Variants in MIPOL1 observed in about 807,000 individuals in gnomAD.
The protein encoded by MIPOL1 is mirror-image polydactyly gene 1 protein.
A neutral mutation model predicts 60.9 loss-of-function variants in MIPOL1; 57 were observed. That is an observed-to-expected ratio of 0.94 (90% CI 0.76 to 1.17). The LOEUF (loss-of-function observed/expected upper bound fraction) is 1.17, where lower values mean the gene tolerates loss of function less well. Ranked by LOEUF, MIPOL1 falls within the 50% of genes most tolerant of loss-of-function variation. MIPOL1 has a pLI of 0.00. For synonymous variants in MIPOL1, 179 were observed against 168.8 expected (o/e 1.06, Z -0.47); for missense variants, 551 against 511.6 (o/e 1.08, Z -0.74).
chr14:37,300,145 C>T (rs2086243111), intron 7 of MIPOL1, among the ~76,000 whole-genome samples: 2 of 151,336 alleles, frequency 1.3e-5, no homozygotes, highest in South Asian at 2.1e-4. Flanking sequence ...AGTTTCTCCA[C>T]TGTAAAGTTA....
At chr14:37,472,904 C>T (rs994520834) in intron 11 of MIPOL1, among the ~76,000 whole-genome samples, 15 of 152,072 alleles carry the variant, frequency 9.9e-5, no homozygotes, top group Non-Finnish European at 1.5e-4. Flanking sequence ...CTAGTAAGCC[C>T]GCCTATGGAG....
At chr14:37,545,641 T>A (rs1030829230) in intron 12 of MIPOL1, 9 of 647,174 alleles carry the variant, frequency 1.4e-5, no homozygotes, top group Non-Finnish European at 2.5e-5. Flanking sequence ...AATTTTGTTT[T>A]ATTTTCCTGT....
chr14:37,459,268 C>G (rs2094512377), intron 11 of MIPOL1, among the ~76,000 whole-genome samples: 1 of 152,032 alleles, frequency 6.6e-6, no homozygotes, highest in Non-Finnish European at 1.5e-5. Context: ...TGATAAACGA[C>G]TAGCTAGAAT....
intron 11 of MIPOL1, among the ~76,000 whole-genome samples, chr14:37,447,275 T>C (rs906656764): frequency 1.3e-5 from 2 of 152,102 alleles, no homozygotes; most frequent in African/African-American, 4.8e-5. Flanking sequence ...AAAATTACCA[T>C]GACTGTTGCT....
chr14:37,292,918 G>C (rs1052005322), intron 7 of MIPOL1, among the ~76,000 whole-genome samples: 1 of 152,146 alleles, frequency 6.6e-6, no homozygotes, highest in African/African-American at 2.4e-5. Context: ...CTGTGGGACT[G>C]TATGCTCCTT....
At chr14:37,541,014 A>T (rs1310984617) in intron 12 of MIPOL1, among the ~76,000 whole-genome samples, 1 of 151,762 alleles carries the variant, frequency 6.6e-6, no homozygotes, top group South Asian at 2.1e-4. Context: ...CTTCCCCTCT[A>T]CTCCAGCTTC....
At chr14:37,491,436 G>C (rs925271933) in intron 11 of MIPOL1, among the ~76,000 whole-genome samples, 1 of 152,182 alleles carries the variant, frequency 6.6e-6, no homozygotes, top group East Asian at 1.9e-4. Context: ...GGCTGAGGTA[G>C]TAGAATCGCT....
chr14:37,303,550 T>C (rs1027615344), intron 7 of MIPOL1, among the ~76,000 whole-genome samples: 2 of 151,900 alleles, frequency 1.3e-5, no homozygotes, highest in Non-Finnish European at 2.9e-5. Context: ...AATTTATACA[T>C]TTATTTGTTA....
chr14:37,354,094 C>G (rs959951781), intron 9 of MIPOL1, among the ~76,000 whole-genome samples: 1 of 150,804 alleles, frequency 6.6e-6, no homozygotes, highest in African/African-American at 2.4e-5. Context: ...CCCAGAGATT[C>G]TGGTATGTTG....
intron 1 of MIPOL1, among the ~76,000 whole-genome samples, chr14:37,218,462 A>G (rs1342653584): frequency 1.3e-5 from 2 of 152,044 alleles, no homozygotes; most frequent in Non-Finnish European, 2.9e-5. Flanking sequence ...TGCTGGGATC[A>G]CAGACGTGAG....
intron 3 of MIPOL1, among the ~76,000 whole-genome samples, chr14:37,248,984 GGA>G: frequency 7.0e-6 from 1 of 142,886 alleles, no homozygotes; most frequent in African/African-American, 3.0e-5. Flanking sequence ...AAGGATGGAT[GGA>G]TGGATGGATG....
intron 9 of MIPOL1, among the ~76,000 whole-genome samples, chr14:37,316,097 G>T (rs1418441228): frequency 6.6e-6 from 1 of 151,270 alleles, no homozygotes; most frequent in Non-Finnish European, 1.5e-5. Flanking sequence ...CGTGATATAA[G>T]CTCACCGCAA....
At chr14:37,231,269 A>G (rs890095497) in intron 1 of MIPOL1, among the ~76,000 whole-genome samples, 3 of 151,922 alleles carry the variant, frequency 2.0e-5, no homozygotes, top group Non-Finnish European at 4.4e-5. Flanking sequence ...TTTATTTTTC[A>G]TAGAGATGGA....
chr14:37,536,067 G>A (rs1211761010), intron 12 of MIPOL1, among the ~76,000 whole-genome samples: 1 of 152,096 alleles, frequency 6.6e-6, no homozygotes, highest in Admixed American at 6.5e-5. Context: ...ACCATACCTG[G>A]CTGATAAGTT....
At chr14:37,526,082 A>G (rs1438982873) in intron 12 of MIPOL1, among the ~76,000 whole-genome samples, 1 of 152,142 alleles carries the variant, frequency 6.6e-6, no homozygotes, top group Non-Finnish European at 1.5e-5. Flanking sequence ...AATTATAGAG[A>G]CAGAAGAATC....
In MIPOL1 at chr14:37,542,324, T is replaced by A. The variant is rs114272677; in HGVS notation, c.1263-4581T>A. Among the ~76,000 whole-genome samples the A allele has an allele frequency of 6.9e-3, 1,056 of 152,230 alleles. 13 individuals are homozygous for A. The highest frequency in any genetic ancestry group is 0.025 in the African/African-American group (1,019 of 41,542). On this transcript the variant is annotated intron_variant, in intron 12 of 12. Transcript: ENST00000684589. ...CTTTATATATTTGTTGTCATTTTGG[T>A]TCTATCCTCTTCCTCCCTCTCTTCT...
intron 11 of MIPOL1, among the ~76,000 whole-genome samples, chr14:37,462,615 C>G (rs1242097764): frequency 2.0e-5 from 3 of 152,152 alleles, no homozygotes; most frequent in Non-Finnish European, 2.9e-5. Context: ...TTTAACAGCA[C>G]CCAAGTCACC....
At chr14:37,514,730 T>C (rs914291040) in intron 12 of MIPOL1, among the ~76,000 whole-genome samples, 2 of 152,008 alleles carry the variant, frequency 1.3e-5, no homozygotes, top group African/African-American at 4.8e-5. Flanking sequence ...CATGCGATTC[T>C]CCTGCCTCAG....
chr14:37,474,437 T>A (rs1431428911), intron 11 of MIPOL1, among the ~76,000 whole-genome samples: 1 of 152,132 alleles, frequency 6.6e-6, no homozygotes, highest in Non-Finnish European at 1.5e-5. Context: ...CATGGTGTTC[T>A]CGTGATAGTG....
Sources: allele counts gnomAD v4.1 joint callset (sites outside exome capture counted in the v4.1 genomes callset), GRCh38; gene constraint gnomAD v4.1.1; transcripts MANE v1.5; gene names NCBI Gene and HGNC (gene_info 2026-07-23, HGNC 2026-07-21).